SOX5: variants seen among roughly 807,000 people sequenced by gnomAD.
The protein encoded by SOX5 is transcription factor SOX-5.
Under a neutral mutation model 92.0 loss-of-function variants are expected in SOX5, and 9 were observed. That is an observed-to-expected ratio of 0.10 (90% CI 0.06 to 0.17). The LOEUF is 0.17. Among genes scored for constraint, SOX5 ranks in the 10% least tolerant of loss-of-function variants. The pLI, the probability that SOX5 is intolerant of heterozygous loss-of-function variation, is 1.00. For synonymous variants in SOX5, 344 were observed against 336.3 expected (o/e 1.02, Z -0.25); for missense variants, 642 against 944.5 (o/e 0.68, Z 4.20).
intron 4 of SOX5, among the ~76,000 whole-genome samples, chr12:24,023,491 T>A (rs555819315): frequency 6.6e-6 from 1 of 152,274 alleles, no homozygotes; most frequent in South Asian, 2.1e-4. Flanking sequence ...AAGGAAAATT[T>A]ATCTCAATAC....
chr12:24,206,489 T>A (rs1259515679), intron 4 of SOX5, among the ~76,000 whole-genome samples: 1 of 152,190 alleles, frequency 6.6e-6, no homozygotes, highest in African/African-American at 2.4e-5. Context: ...ATGATACTAG[T>A]GACAGCATTT....
intron 2 of SOX5, among the ~76,000 whole-genome samples, chr12:23,890,095 G>A (rs967863305): frequency 4.3e-4 from 66 of 152,238 alleles, no homozygotes; most frequent in Admixed American, 5.2e-4. Flanking sequence ...CAAGGCGGGC[G>A]GATTACCTGA....
At chr12:24,216,682 G>C (rs1057352394) in intron 3 of SOX5, among the ~76,000 whole-genome samples, 3 of 152,106 alleles carry the variant, frequency 2.0e-5, no homozygotes, top group Admixed American at 6.5e-5. Flanking sequence ...CAGCACTTTG[G>C]GAGACCAAGA....
intron 1 of SOX5, among the ~76,000 whole-genome samples, chr12:24,482,201 C>A (rs1352468889): frequency 1.3e-5 from 2 of 152,260 alleles, no homozygotes; most frequent in East Asian, 3.9e-4. Context: ...CACTCACACA[C>A]TGAGAAAGAT....
chr12:24,240,899 T>C (rs1220425088), intron 3 of SOX5, among the ~76,000 whole-genome samples: 1 of 152,214 alleles, frequency 6.6e-6, no homozygotes, highest in Admixed American at 6.5e-5. Flanking sequence ...CAGATTTTTC[T>C]TAATGACATC....
chr12:23,606,714 G>C (rs990870275), intron 8 of SOX5, among the ~76,000 whole-genome samples: 1 of 151,768 alleles, frequency 6.6e-6, no homozygotes, highest in Non-Finnish European at 1.5e-5. Context: ...TTGAATTAAA[G>C]GATTTAAAGG....
chr12:24,424,584 C>G (rs1966419646), intron 1 of SOX5, among the ~76,000 whole-genome samples: 1 of 151,998 alleles, frequency 6.6e-6, no homozygotes, highest in Non-Finnish European at 1.5e-5. Flanking sequence ...GTAAGTTCAC[C>G]AAAAGATTAA....
chr12:23,882,531 T>G (rs2097006616), intron 2 of SOX5, among the ~76,000 whole-genome samples: 1 of 152,156 alleles, frequency 6.6e-6, no homozygotes, highest in Admixed American at 6.5e-5. Context: ...GTGTTGATAT[T>G]GTTATTTTTC....
intron 13 of SOX5, among the ~76,000 whole-genome samples, chr12:23,539,442 G>C (rs779097707): frequency 1.3e-5 from 2 of 152,134 alleles, no homozygotes; most frequent in Non-Finnish European, 2.9e-5. Context: ...AAGAGAATAT[G>C]ATGAGGCAAG....
At chr12:23,838,159 T>A (rs1197279083) in intron 3 of SOX5, among the ~76,000 whole-genome samples, 1 of 143,138 alleles carries the variant, frequency 7.0e-6, no homozygotes, top group Admixed American at 7.3e-5. Flanking sequence ...TATATTTATA[T>A]AATATATATT....
chr12:23,875,724 A>C (rs2096920628), intron 2 of SOX5, among the ~76,000 whole-genome samples: 1 of 152,208 alleles, frequency 6.6e-6, no homozygotes, highest in Non-Finnish European at 1.5e-5. Flanking sequence ...GGTTGAGATT[A>C]CACTACTATT....
At chr12:24,190,034 GA>G (rs1249146205) in intron 4 of SOX5, among the ~76,000 whole-genome samples, 1 of 152,052 alleles carries the variant, frequency 6.6e-6, no homozygotes, top group Non-Finnish European at 1.5e-5. Context: ...GTTTCATGTA[GA>G]CAATGAGAAA....
At chr12:23,556,379 A>G (rs1945179536) in intron 11 of SOX5, among the ~76,000 whole-genome samples, 1 of 152,194 alleles carries the variant, frequency 6.6e-6, no homozygotes. Flanking sequence ...CACCAAATAA[A>G]TAATTACATG....
chr12:24,190,870 C>T (rs761152802), intron 4 of SOX5, among the ~76,000 whole-genome samples: 2 of 151,934 alleles, frequency 1.3e-5, no homozygotes, highest in Non-Finnish European at 2.9e-5. Context: ...TACAGCAACT[C>T]CAAGGGGAGA....
At chr12:24,193,518 C>T (rs891171412) in intron 4 of SOX5, among the ~76,000 whole-genome samples, 1 of 152,148 alleles carries the variant, frequency 6.6e-6, no homozygotes, top group Admixed American at 6.5e-5. Context: ...GTATCACTAC[C>T]ACATTTTAAT....
intron 4 of SOX5, among the ~76,000 whole-genome samples, chr12:24,023,081 T>C (rs938029486): frequency 1.3e-5 from 2 of 152,012 alleles, no homozygotes; most frequent in Non-Finnish European, 2.9e-5. Context: ...AAACATAAAG[T>C]CTGCTATTTC....
intron 1 of SOX5, among the ~76,000 whole-genome samples, chr12:23,912,751 T>G (rs2097365400): frequency 6.6e-6 from 1 of 152,148 alleles, no homozygotes; most frequent in South Asian, 2.1e-4. Context: ...GTCTACATAT[T>G]CTACAATTCC....
At chr12:24,303,156 G>C (rs1948176621) in intron 2 of SOX5, among the ~76,000 whole-genome samples, 1 of 151,900 alleles carries the variant, frequency 6.6e-6, no homozygotes, top group South Asian at 2.1e-4. Context: ...AGGAAGGAAG[G>C]TTGTATAAGG....
intron 1 of SOX5, chr12:23,920,260 CCT>C (rs1440480864): frequency 6.6e-6 from 1 of 152,124 alleles, no homozygotes; most frequent in African/African-American, 2.4e-5. Context: ...ATAATAGTTG[CCT>C]TTTGTTTACT....
Sources: allele counts gnomAD v4.1 joint callset (sites outside exome capture counted in the v4.1 genomes callset), GRCh38; gene constraint gnomAD v4.1.1; transcripts MANE v1.5; gene names NCBI Gene and HGNC (gene_info 2026-07-23, HGNC 2026-07-21).